MDFI: variants seen among roughly 807,000 people sequenced by gnomAD.
The protein encoded by MDFI is inhibitor of MyoD family a.
Under a neutral mutation model 22.3 loss-of-function variants are expected in MDFI, and 16 were observed. That is an observed-to-expected ratio of 0.72 (90% CI 0.49 to 1.09). The LOEUF (loss-of-function observed/expected upper bound fraction) is 1.09. MDFI is among the 50% of genes least tolerant of loss of function. MDFI has a pLI of 0.00. For synonymous variants in MDFI, 145 were observed against 142.7 expected (o/e 1.02, Z -0.12); for missense variants, 314 against 326.1 (o/e 0.96, Z 0.29).
intron 4 of MDFI, 31 bp downstream of exon 4, chr6:41,649,874 A>AGAT: frequency 1.3e-6 from 2 of 1,591,272 alleles, no homozygotes; most frequent in Non-Finnish European, 1.7e-6. Flanking sequence ...TCCCTGGGAG[A>AGAT]GGCCTCCAAA....
At chr6:41,639,896 C>T (rs1414251466) in intron 2 of MDFI, 24 of 985,348 alleles carry the variant, frequency 2.4e-5, no homozygotes, top group Non-Finnish European at 2.9e-5. Flanking sequence ...TTCTAGGAGG[C>T]CCCTCTCCAC....
Position 41,649,251 on chromosome 6 carries a change from C to G in MDFI, c.260-368C>G, listed in dbSNP as rs144406529. ...GCGCTCCCAACCCCAGCCAAACCAC[C>G]CCTCTTCCCCAGCACTGCCACTGCC... On this transcript the variant is annotated intron_variant, in intron 3 of 4. Coordinates refer to ENST00000230321, the MANE Select transcript of MDFI (RefSeq NM_005586.4). 6.6e-3 allele frequency among the ~76,000 whole-genome samples: 1,006 copies of G among 152,332 alleles called. 6 individuals are homozygous for G. Among genetic ancestry groups the G allele is most frequent in the African/African-American group, 0.023 (955 of 41,570 alleles).
In MDFI at chr6:41,653,922, C is replaced by G; in HGVS notation, c.*347C>G. The G allele has an allele frequency of 5.9e-6, 2 of 336,776 alleles. No homozygotes were observed. Among genetic ancestry groups the G allele is most frequent in the Non-Finnish European group, 1.1e-5 (2 of 181,092 alleles). 20.9% of individuals were successfully genotyped at this position (336,776 alleles called of 1,614,324 possible). On this transcript the variant is annotated 3_prime_UTR_variant, in exon 5 of 5. Coordinates refer to ENST00000230321, the MANE Select transcript of MDFI (RefSeq NM_005586.4). This position sits in a 1 kb window ranked among gnomAD's most constrained non-coding sequence, Gnocchi z 4.2. ...GGGCTGGGGAACACTGTGAAAGTTACTTGGGGAGGGTGGGCCGGTGGGGCC... is the reference window on the plus strand; with the variant it reads ...GGGCTGGGGAACACTGTGAAAGTTAGTTGGGGAGGGTGGGCCGGTGGGGCC...
Position 41,653,191 on chromosome 6 carries a change from C to T in MDFI, c.485-128C>T. On this transcript the variant is annotated intron_variant, in intron 4 of 4. Transcript: ENST00000230321. The surrounding 1 kb of genome is among the most constrained non-coding windows in gnomAD (Gnocchi z 4.2). ...GCTGTGGGGACGGATTCGTGAGCTTCAGGCACACAGTGAACACTCAGCGTC... is the reference window on the plus strand; with the variant it reads ...GCTGTGGGGACGGATTCGTGAGCTTTAGGCACACAGTGAACACTCAGCGTC... 1 of 951,186 alleles carries T rather than the reference C, an allele frequency of 1.1e-6. No individual in the cohort carries two copies. Among genetic ancestry groups the T allele is most frequent in the South Asian group, 1.5e-5 (1 of 66,858 alleles). The allele number at this position is 951,186 out of a possible 1,614,324, so 58.9% of individuals were successfully genotyped here. A position where few individuals can be genotyped will look rare whatever the true frequency, so the allele number is the denominator to read the frequency against.
At chr6:41,644,315 C>G (rs941542891) in intron 2 of MDFI, among the ~76,000 whole-genome samples, 1 of 152,178 alleles carries the variant, frequency 6.6e-6, no homozygotes, top group African/African-American at 2.4e-5. Context: ...GAAGGGTTCC[C>G]AGCACATAAC....
At chr6:41,651,602 G>A (rs1768273942) in intron 4 of MDFI, among the ~76,000 whole-genome samples, 1 of 152,196 alleles carries the variant, frequency 6.6e-6, no homozygotes, top group East Asian at 1.9e-4. Flanking sequence ...TTTTAAACAA[G>A]GTGGTCACCT....
At chr6:41,647,975 C>T (rs80100456) in intron 3 of MDFI, among the ~76,000 whole-genome samples, 6,605 of 129,460 alleles carry the variant, frequency 0.051, 221 homozygotes, top group East Asian at 0.22. Context: ...ACCCGGGAGG[C>T]GGATGTTGCA....
At chr6:41,650,635 G>A (rs905287319) in intron 4 of MDFI, among the ~76,000 whole-genome samples, 6 of 148,748 alleles carry the variant, frequency 4.0e-5, no homozygotes, top group East Asian at 2.0e-4. Context: ...GCGCAGTGGC[G>A]CAATCTTGGC....
chr6:41,646,680 C>T (rs1400616985), intron 3 of MDFI, among the ~76,000 whole-genome samples: 7 of 152,172 alleles, frequency 4.6e-5, no homozygotes, highest in Non-Finnish European at 1.0e-4. Context: ...AGGAAGAAGC[C>T]CCCAGTTGCT....
intron 2 of MDFI, chr6:41,639,103 C>T: frequency 5.9e-6 from 3 of 506,996 alleles, no homozygotes; most frequent in South Asian, 8.4e-5. Context: ...CACACAAACA[C>T]ACACACATAC....
intron 3 of MDFI, among the ~76,000 whole-genome samples, chr6:41,647,336 C>T (rs892383907): frequency 2.0e-4 from 31 of 152,234 alleles, no homozygotes; most frequent in African/African-American, 7.5e-4. Context: ...TGTCTGTCCA[C>T]GTCGCCCAGA....
At position 41,638,569 on chromosome 6, in the gene MDFI, T is replaced by TG; in HGVS notation, c.-92dup. 1.6e-6 allele frequency: 1 copy of TG among 621,238 alleles called. No homozygotes were observed. Among genetic ancestry groups the TG allele is most frequent in the Non-Finnish European group, 2.6e-6 (1 of 381,540 alleles). 38.5% of individuals were successfully genotyped at this position (621,238 alleles called of 1,614,324 possible). ...CGAGCACCCGGGAGCCAGCGGGACC[T>TG]GGGCAGGGGCGCCCGGAGCAGGCGC... On this transcript the variant is annotated 5_prime_UTR_variant, in exon 1 of 5. Transcript: ENST00000230321. The surrounding 1 kb of genome is among the most constrained non-coding windows in gnomAD (Gnocchi z 7.6).
intron 2 of MDFI, among the ~76,000 whole-genome samples, chr6:41,644,995 C>G (rs1767994260): frequency 6.6e-6 from 1 of 151,958 alleles, no homozygotes; most frequent in African/African-American, 2.4e-5. Context: ...CTCTGTGTCA[C>G]CCTGCCTCTC....
chr6:41,644,905 G>A (rs1206512901), intron 2 of MDFI, among the ~76,000 whole-genome samples: 1 of 151,380 alleles, frequency 6.6e-6, no homozygotes, highest in Non-Finnish European at 1.5e-5. Context: ...TCATCTCCCT[G>A]TCTGCCCGTG....
At chr6:41,652,608 CTTTTTTT>C (rs3050047) in intron 4 of MDFI, among the ~76,000 whole-genome samples, 4 of 84,408 alleles carry the variant, frequency 4.7e-5, no homozygotes, top group Non-Finnish European at 8.5e-5. Flanking sequence ...CTCTCCCTCT[CTTTTTTT>C]TTTTTTTTTT....
rs776724589 is a variant in MDFI, at chr6:41,653,585, G to A, written c.*10G>A. 1.8e-5 allele frequency: 28 copies of A among 1,599,038 alleles called. No individual in the cohort carries two copies. The highest frequency in any genetic ancestry group is 1.7e-4 in the Admixed American group (10 of 59,982). On this transcript the variant is annotated 3_prime_UTR_variant, in exon 5 of 5. Transcript: ENST00000230321. The surrounding 1 kb of genome is among the most constrained non-coding windows in gnomAD (Gnocchi z 4.2). ...CTGCTTCTCCTCCTGAGCCTCTGTCGGGGGCTAAGCCAGCCTGGCGCCCCT... is the reference window on the plus strand; with the variant it reads ...CTGCTTCTCCTCCTGAGCCTCTGTCAGGGGCTAAGCCAGCCTGGCGCCCCT...
intron 3 of MDFI, among the ~76,000 whole-genome samples, chr6:41,648,734 C>G (rs1004156994): frequency 2.6e-5 from 4 of 152,188 alleles, no homozygotes; most frequent in African/African-American, 7.2e-5. Flanking sequence ...GCACTCCCCC[C>G]ACCATACACA....
chr6:41,652,608 CT>C lies in MDFI; in HGVS notation c.485-689del, dbSNP rs3050047. ...GTGTAGACTTAACTACTCTCCCTCT[CT>C]TTTTTTTTTTTTTTTTTTTTTGAGA... On this transcript the variant is annotated intron_variant, in intron 4 of 4. Transcript: ENST00000230321. Among the ~76,000 whole-genome samples, 81 of 84,404 alleles carry C rather than the reference CT, an allele frequency of 9.6e-4. 1 individual carries two copies. The highest frequency in any genetic ancestry group is 1.7e-3 in the African/African-American group (36 of 20,768). The allele number at this position is 84,404 out of a possible 152,430, so 55.4% of individuals were successfully genotyped here.
intron 3 of MDFI, among the ~76,000 whole-genome samples, chr6:41,648,050 A>G (rs1768122700): frequency 6.6e-6 from 1 of 150,576 alleles, no homozygotes; most frequent in Non-Finnish European, 1.5e-5. Flanking sequence ...CTCAAAAAAA[A>G]AAAAAAAAAA....
Sources: gnomAD v4.1 joint callset for allele counts (sites outside exome capture counted in the v4.1 genomes callset) on GRCh38, gnomAD v4.1.1 for gene constraint, Gnocchi (gnomAD v3.1) non-coding constraint, MANE v1.5 for transcripts, NCBI Gene and HGNC (gene_info 2026-07-23, HGNC 2026-07-21) for gene names.